The following TTLL4 variants were observed in gnomAD, a reference collection of about 807,000 sequenced individuals.
TTLL4 encodes tubulin tyrosine ligase like 4.
Under a neutral mutation model 122.7 loss-of-function variants are expected in TTLL4, and 85 were observed. The ratio of observed to expected loss-of-function variants is 0.69; its 90% CI spans 0.58 to 0.83. TTLL4 has a LOEUF of 0.83. Among genes scored for constraint, TTLL4 ranks in the 40% least tolerant of loss-of-function variants. The pLI is 0.00. For missense variants in TTLL4, 1,363 were observed against 1,488.6 expected (o/e 0.92, Z 1.39); for synonymous variants, 553 against 563.0 (o/e 0.98, Z 0.25).
At chr2:218,721,490 C>A (rs1942039005) in intron 1 of TTLL4, among the ~76,000 whole-genome samples, 1 of 152,186 alleles carries the variant, frequency 6.6e-6, no homozygotes, top group East Asian at 1.9e-4. Flanking sequence ...AGATCTGATG[C>A]TATCTTTAGG....
chr2:218,730,779 C>G (rs1942358428), intron 2 of TTLL4, among the ~76,000 whole-genome samples: 1 of 151,866 alleles, frequency 6.6e-6, no homozygotes, highest in Non-Finnish European at 1.5e-5. Flanking sequence ...CTTTTATTAA[C>G]AGATAGTATT....
At chr2:218,723,228 T>C (rs1330934789) in intron 1 of TTLL4, among the ~76,000 whole-genome samples, 1 of 152,224 alleles carries the variant, frequency 6.6e-6, no homozygotes, top group Non-Finnish European at 1.5e-5. Context: ...CCCTCCTTGT[T>C]TCTTTGACTC....
At chr2:218,723,238 C>G (rs1942096702) in intron 1 of TTLL4, among the ~76,000 whole-genome samples, 1 of 152,214 alleles carries the variant, frequency 6.6e-6, no homozygotes, top group African/African-American at 2.4e-5. Flanking sequence ...TTCTTTGACT[C>G]TAGCCCTAAA....
intron 5 of TTLL4, among the ~76,000 whole-genome samples, chr2:218,743,438 C>G (rs1942756879): frequency 6.6e-6 from 1 of 152,096 alleles, no homozygotes; most frequent in East Asian, 1.9e-4. Context: ...GTTTGTTTAA[C>G]CGTACACCTG....
intron 1 of TTLL4, among the ~76,000 whole-genome samples, chr2:218,711,920 AC>A (rs1419794267): frequency 7.3e-6 from 1 of 137,152 alleles, no homozygotes; most frequent in Non-Finnish European, 1.7e-5. Flanking sequence ...CATTTGGGGG[AC>A]CCTTTGGGAC....
At chr2:218,712,929 C>T (rs752619383) in intron 1 of TTLL4, among the ~76,000 whole-genome samples, 2 of 152,134 alleles carry the variant, frequency 1.3e-5, no homozygotes, top group Non-Finnish European at 2.9e-5. Context: ...AAACTGTATT[C>T]TTTGTTAAGA....
At chr2:218,711,096 C>T (rs1035838344) in intron 1 of TTLL4, 59 bp downstream of exon 1, 2 of 152,546 alleles carry the variant, frequency 1.3e-5, no homozygotes, top group Non-Finnish European at 2.9e-5. Flanking sequence ...GTCCCACGCT[C>T]CCGACCTCCC....
At chr2:218,749,193 G>C in intron 13 of TTLL4, 60 bp from the exon 14 acceptor site, 1 of 1,599,172 alleles carries the variant, frequency 6.3e-7, no homozygotes, top group Non-Finnish European at 8.5e-7. Context: ...TGGCAGGATA[G>C]CTCTGAGTAG....
At position 218,752,877 on chromosome 2, in the gene TTLL4, A is replaced by G. The variant is rs759194101; in HGVS notation, c.3091A>G (p.Ile1031Val). The change falls in exon 17 of 20, where the codon ATC becomes GTC. Residue 1031 changes from isoleucine to valine, a missense_variant. This residue lies in a region of TTLL4 where 596 missense variants were observed against 655.8 expected (regional missense o/e 0.91). Coordinates refer to ENST00000392102, the MANE Select transcript of TTLL4 (RefSeq NM_014640.5). ...GTTTGAACGAATTTTTCCTTCTCAT[A>G]TCTCCTCTCGCTATCTCCGCTTTTT... ...GQFERIFPSH[I>V]SSRYLRFFEQ... is the part of the protein sequence containing the mutation. The G allele has an allele frequency of 1.2e-6, 2 of 1,614,108 alleles. No individual in the cohort carries two copies.
chr2:218,714,408 G>T (rs1368869969), intron 1 of TTLL4, among the ~76,000 whole-genome samples: 2 of 152,174 alleles, frequency 1.3e-5, no homozygotes, highest in African/African-American at 4.8e-5. Context: ...CTATGACCTT[G>T]GAATTGTCTG....
intron 1 of TTLL4, among the ~76,000 whole-genome samples, chr2:218,720,141 G>A (rs1643463776): frequency 6.6e-6 from 1 of 152,158 alleles, no homozygotes; most frequent in South Asian, 2.1e-4. Context: ...TGAAGTGGTT[G>A]GACATGCATT....
downstream of TTLL4, among the ~76,000 whole-genome samples, chr2:218,757,184 A>T (rs1943168645): frequency 6.6e-6 from 1 of 152,196 alleles, no homozygotes; most frequent in South Asian, 2.1e-4. Context: ...CCTGTGCCCT[A>T]GGTGGGAAGA....
At chr2:218,741,358 C>T (rs1942696469) in intron 5 of TTLL4, among the ~76,000 whole-genome samples, 1 of 152,218 alleles carries the variant, frequency 6.6e-6, no homozygotes, top group South Asian at 2.1e-4. Context: ...TATCACTGGG[C>T]TTGACCAATA....
chr2:218,755,604 C>T (rs1943136464), downstream of TTLL4, among the ~76,000 whole-genome samples: 1 of 152,186 alleles, frequency 6.6e-6, no homozygotes, highest in African/African-American at 2.4e-5. Flanking sequence ...GTGGTTGCTG[C>T]TTGCCTCCTC....
Position 218,747,491 on chromosome 2 carries a change from C to T in TTLL4, c.2250-106C>T, listed in dbSNP as rs181947904. 2 of 1,574,494 alleles carry T rather than the reference C, an allele frequency of 1.3e-6. No homozygotes were observed. Among genetic ancestry groups the T allele is most frequent in the South Asian group, 2.3e-5 (2 of 86,072 alleles). On this transcript the variant is annotated intron_variant, in intron 10 of 19. Coordinates refer to ENST00000392102, the MANE Select transcript of TTLL4 (RefSeq NM_014640.5). The surrounding 1 kb of genome is among the most constrained non-coding windows in gnomAD (Gnocchi z 4.7). The stretch of plus-strand genomic sequence containing the variant: ...CAAAGAGCTTCCTTAGCCAACTGTT[C>T]TAAGGTCTTTATCTTGGGGACTGTT...
chr2:218,738,302 T>C lies in TTLL4; in HGVS notation c.626T>C (p.Leu209Pro). Residue 209 changes from leucine to proline, a missense_variant, in exon 3 of 20, where the codon CTC (leucine) becomes CCC (proline). Around this residue, in one of 3 missense-constraint regions of TTLL4, gnomAD observed 760 missense variants for 808.4 expected, o/e 0.94. Transcript: ENST00000392102. The part of the protein sequence containing the change: ...SAISGKIPSP[L>P]SSSYKPMLNN... ...ATCTCAGGGAAGATCCCATCTCCAC[T>C]CTCTTCCTCCTATAAGCCCATGCTG... The C allele has an allele frequency of 6.2e-7, 1 of 1,613,956 alleles. No individual in the cohort carries two copies. The highest frequency in any genetic ancestry group is 2.2e-5 in the East Asian group (1 of 44,856).
Position 218,740,094 on chromosome 2 carries a change from T to A in TTLL4, c.1524T>A (p.Thr508=), listed in dbSNP as rs751971562. The stretch of plus-strand genomic sequence containing the variant: ...ACCTCCAGCCAGATCAGGCTGAGAC[T>A]GAAGATACAGAAGAAGAACTAGTAG... ...ATDLQPDQAE[T]EDTEEELVDG... is the part of the protein sequence containing the mutation. The change falls in exon 4 of 20, where the codon ACT becomes ACA. Residue 508 remains threonine, a synonymous_variant. Transcript: ENST00000392102. 14 of 1,614,084 alleles carry A rather than the reference T, an allele frequency of 8.7e-6. No individual in the cohort carries two copies. The highest frequency in any genetic ancestry group is 8.5e-6 in the Non-Finnish European group (10 of 1,180,036).
chr2:218,722,346 CTTTG>C (rs1942068325), intron 1 of TTLL4, among the ~76,000 whole-genome samples: 1 of 127,024 alleles, frequency 7.9e-6, no homozygotes. Context: ...TTACCAGCTT[CTTTG>C]TTCATCTTTT....
chr2:218,741,588 C>T (rs1942702410), intron 5 of TTLL4, among the ~76,000 whole-genome samples: 1 of 152,170 alleles, frequency 6.6e-6, no homozygotes, highest in Admixed American at 6.5e-5. Flanking sequence ...CTGGGATTCT[C>T]TGTGAAGGTG....
Sources: gnomAD v4.1 joint callset for allele counts (sites outside exome capture counted in the v4.1 genomes callset) on GRCh38, gnomAD v4.1.1 for gene constraint, gnomAD v4.1.1 regional missense constraint, Gnocchi (gnomAD v3.1) non-coding constraint, MANE v1.5 for transcripts, NCBI Gene and HGNC (gene_info 2026-07-23, HGNC 2026-07-21) for gene names.